Variants in MGAT5 observed in about 807,000 individuals in gnomAD.
MGAT5 encodes alpha-1,6-mannosylglycoprotein 6-beta-N-acetylglucosaminyltransferase A.
In MGAT5, 30 loss-of-function variants were observed where a neutral mutation model predicts 94.3. The observed-to-expected ratio is 0.32, with a 90% CI of 0.24 to 0.43. MGAT5 has a LOEUF of 0.43. Ranked by LOEUF, MGAT5 falls within the 20% of genes least tolerant of loss-of-function variation. The pLI, the probability that MGAT5 is intolerant of heterozygous loss-of-function variation, is 1.00. For missense variants in MGAT5, 691 were observed against 905.5 expected, an observed-to-expected ratio of 0.76 and a Z score of 3.04; for synonymous variants, 310 against 322.9, an observed-to-expected ratio of 0.96 and a Z score of 0.43.
rs1686073292 is a variant in MGAT5 at position 134,450,954 on chromosome 2, G to A, written c.*2107G>A. 1 of 152,070 alleles carries A rather than the reference G, an allele frequency of 6.6e-6. No homozygotes were observed. The highest frequency in any genetic ancestry group is 6.5e-5 in the Admixed American group (1 of 15,268). 9.4% of individuals were successfully genotyped at this position (152,070 alleles called of 1,614,324 possible). A position where few individuals can be genotyped will look rare whatever the true frequency, so the allele number is the denominator to read the frequency against. Reference sequence around the variant, plus strand: ...ATGGGCCTCTTGGCTGTACCCTAGGGTGTGGGAATTTGCTAGAGTTCCCTG... The same window carrying A: ...ATGGGCCTCTTGGCTGTACCCTAGGATGTGGGAATTTGCTAGAGTTCCCTG... On this transcript the variant is annotated 3_prime_UTR_variant, in exon 16 of 16. Transcript: ENST00000281923.
intron 1 of MGAT5, among the ~76,000 whole-genome samples, chr2:134,127,503 C>T (rs191019421): frequency 3.2e-5 from 4 of 126,700 alleles, no homozygotes; most frequent in East Asian, 5.9e-4. Context: ...TTTCCCCCCC[C>T]CCCAGGCTTG....
intron 10 of MGAT5, among the ~76,000 whole-genome samples, chr2:134,387,303 T>TATATATATATATAG (rs1232580395): frequency 8.6e-5 from 2 of 23,200 alleles, no homozygotes; most frequent in Admixed American, 7.2e-4. Flanking sequence ...TTATGTATGA[T>TATATATATATATAG]ATATATATAT....
intron 4 of MGAT5, among the ~76,000 whole-genome samples, chr2:134,331,397 C>G (rs970697644): frequency 2.0e-5 from 3 of 152,078 alleles, no homozygotes; most frequent in African/African-American, 7.2e-5. Context: ...AAGATTAGTT[C>G]ATGTCAGAGT....
At chr2:134,286,393 T>C (rs560541014) in intron 2 of MGAT5, among the ~76,000 whole-genome samples, 37 of 152,156 alleles carry the variant, frequency 2.4e-4, no homozygotes, top group Non-Finnish European at 5.0e-4. Flanking sequence ...AATAGTTTTC[T>C]GAGAGAAGAA....
rs1686056499 is a variant in MGAT5, at chr2:134,302,119, A to G, written c.407-15410A>G. On this transcript the variant is annotated intron_variant, in intron 2 of 15. Transcript: ENST00000281923. ...TCTGTTGCAGTGATTTAACTCTGTC[A>G]TTGTACTACAAGAGCAACACTGGAC... 2.0e-5 allele frequency among the ~76,000 whole-genome samples: 3 copies of G among 152,188 alleles called. 1 individual carries two copies. The highest frequency in any genetic ancestry group is 4.1e-4 in the South Asian group (2 of 4,830).
chr2:134,406,760 T>C (rs1389290949), intron 11 of MGAT5, among the ~76,000 whole-genome samples: 1 of 148,606 alleles, frequency 6.7e-6, no homozygotes, highest in African/African-American at 2.5e-5. Flanking sequence ...CTGTGCGTGG[T>C]GGCATTTACC....
At chr2:134,329,561 G>A (rs913947111) in intron 4 of MGAT5, among the ~76,000 whole-genome samples, 3 of 152,120 alleles carry the variant, frequency 2.0e-5, no homozygotes, top group African/African-American at 4.8e-5. Context: ...TTTAGCCAAT[G>A]TGCTTCAAAT....
At chr2:134,306,181 A>G (rs1312957377) in intron 2 of MGAT5, among the ~76,000 whole-genome samples, 1 of 152,192 alleles carries the variant, frequency 6.6e-6, no homozygotes, top group Non-Finnish European at 1.5e-5. Context: ...TTACATCATT[A>G]CTTAAAATAC....
At chr2:134,193,698 T>C (rs1013421290) in intron 1 of MGAT5, among the ~76,000 whole-genome samples, 1 of 148,520 alleles carries the variant, frequency 6.7e-6, no homozygotes, top group African/African-American at 2.5e-5. Flanking sequence ...TGTGTGTGTG[T>C]GTGTGTGTGT....
chr2:134,448,221 C>T (rs1276440338), intron 15 of MGAT5, among the ~76,000 whole-genome samples: 1 of 152,252 alleles, frequency 6.6e-6, no homozygotes, highest in Non-Finnish European at 1.5e-5. Context: ...GCTGGTTCCC[C>T]TGTGCTTCCC....
intron 1 of MGAT5, among the ~76,000 whole-genome samples, chr2:134,120,911 G>C (rs1178758870): frequency 1.3e-5 from 2 of 151,958 alleles, no homozygotes; most frequent in African/African-American, 4.8e-5. Context: ...GACGGCCCGC[G>C]GGTCCGTGAT....
At chr2:134,376,259 C>T (rs1009527538) in intron 10 of MGAT5, among the ~76,000 whole-genome samples, 63 of 152,096 alleles carry the variant, frequency 4.1e-4, no homozygotes, top group African/African-American at 7.5e-4. Flanking sequence ...TCAATTCAAA[C>T]GCTCCCTTTT....
chr2:134,396,825 C>A (rs1682741126), intron 10 of MGAT5, among the ~76,000 whole-genome samples: 1 of 152,220 alleles, frequency 6.6e-6, no homozygotes, highest in Non-Finnish European at 1.5e-5. Context: ...CTGGGAACAT[C>A]CAGTGACAGT....
chr2:134,267,773 T>C (rs1683807568), intron 1 of MGAT5, among the ~76,000 whole-genome samples: 2 of 152,218 alleles, frequency 1.3e-5, no homozygotes, highest in African/African-American at 2.4e-5. Context: ...AGCTCCCCCA[T>C]AGGGAGGAAG....
rs768197190 is a variant in MGAT5 at position 134,270,431 on chromosome 2, G to T, written c.287G>T (p.Arg96Leu). Reference sequence around the variant, plus strand: ...GTGTTATTAGATAACATTTTGCAGCGCATTGGCAAGTTGGAGTCGAAGGTG... The same window carrying T: ...GTGTTATTAGATAACATTTTGCAGCTCATTGGCAAGTTGGAGTCGAAGGTG... ...LAVLLDNILQ[R>L]IGKLESKVDN... Residue 96 changes from arginine to leucine, a missense_variant, in exon 2 of 16, where the codon CGC (arginine) becomes CTC (leucine). Around this residue, in one of 4 missense-constraint regions of MGAT5, gnomAD observed 307 missense variants for 335.4 expected, o/e 0.92. Transcript: ENST00000281923. 6.2e-7 allele frequency: 1 copy of T among 1,614,168 alleles called. No individual in the cohort carries two copies.
chr2:134,290,557 C>T (rs1685285861), intron 2 of MGAT5, among the ~76,000 whole-genome samples: 1 of 152,196 alleles, frequency 6.6e-6, no homozygotes, highest in Non-Finnish European at 1.5e-5. Flanking sequence ...AATTGTTCTT[C>T]TAAAACCTCT....
rs1006053832 is a variant in MGAT5 at position 134,169,330 on chromosome 2, A to G, written c.-143+49039A>G. Among the ~76,000 whole-genome samples, 4 of 151,838 alleles carry G rather than the reference A, an allele frequency of 2.6e-5. No homozygotes were observed. The East Asian group carries it at 7.8e-4, about 29-fold the overall frequency. The stretch of plus-strand genomic sequence containing the variant: ...CGAGGCAGGAGGCTCACTTGAGCTT[A>G]GGGGTTTGAGACCAGCCTGGGCAAT... On this transcript the variant is annotated intron_variant, in intron 1 of 16. Transcript: ENST00000409645.
intron 10 of MGAT5, among the ~76,000 whole-genome samples, chr2:134,390,890 G>A (rs1682360694): frequency 6.6e-6 from 1 of 152,152 alleles, no homozygotes; most frequent in Non-Finnish European, 1.5e-5. Context: ...TTCTTTTACT[G>A]GATAAACGTC....
Position 134,346,042 on chromosome 2 carries a change from C to T in MGAT5, c.1112+978C>T, listed in dbSNP as rs1017503856. Among the ~76,000 whole-genome samples, 3 of 152,086 alleles carry T rather than the reference C, an allele frequency of 2.0e-5. No individual in the cohort carries two copies. In the East Asian group the frequency reaches 5.8e-4, roughly 29 times the overall value. ...AAAAAGCAAAACTAAAAACTTGCTG[C>T]GGGCCAAGATAGTGCTCTACCTTTT... On this transcript the variant is annotated intron_variant, in intron 8 of 15. Transcript: ENST00000281923.
Sources: allele counts gnomAD v4.1 joint callset (sites outside exome capture counted in the v4.1 genomes callset), GRCh38; gene constraint gnomAD v4.1.1; regional missense constraint gnomAD v4.1.1; transcripts MANE v1.5; gene names NCBI Gene and HGNC (gene_info 2026-07-23, HGNC 2026-07-21).